The following AK8 variants were observed in gnomAD, a reference collection of about 807,000 sequenced individuals.
The protein encoded by AK8 is adenylate kinase 8, also known as ATP-AMP transphosphorylase 8.
In AK8, 44 loss-of-function variants were observed where a neutral mutation model predicts 54.6. That is an observed-to-expected ratio of 0.81 (90% CI 0.63 to 1.04). AK8 has a LOEUF of 1.04. Ranked by LOEUF, AK8 falls within the 50% of genes least tolerant of loss-of-function variation. The pLI is 0.00. For missense variants in AK8, 555 were observed against 613.6 expected, an observed-to-expected ratio of 0.90 and a Z score of 1.01; for synonymous variants, 239 against 245.6, an observed-to-expected ratio of 0.97 and a Z score of 0.25.
At chr9:132,750,786 C>G (rs1242409143) in intron 11 of AK8, among the ~76,000 whole-genome samples, 2 of 151,898 alleles carry the variant, frequency 1.3e-5, no homozygotes, top group Non-Finnish European at 2.9e-5. Flanking sequence ...TCCAGAGATA[C>G]CAATGGAAAT....
chr9:132,793,929 G>T (rs1451072846), intron 10 of AK8, among the ~76,000 whole-genome samples: 2 of 152,174 alleles, frequency 1.3e-5, no homozygotes, highest in African/African-American at 4.8e-5. Context: ...CTGCCCGGGG[G>T]TCTGGCAAGC....
chr9:132,795,387 G>A (rs1344965672), intron 10 of AK8, among the ~76,000 whole-genome samples: 4 of 152,126 alleles, frequency 2.6e-5, no homozygotes, highest in Non-Finnish European at 5.9e-5. Flanking sequence ...GAGGAACTGG[G>A]GCGTGGGGAG....
intron 11 of AK8, among the ~76,000 whole-genome samples, chr9:132,741,308 G>A (rs1367889557): frequency 1.3e-5 from 2 of 152,204 alleles, no homozygotes; most frequent in Non-Finnish European, 2.9e-5. Flanking sequence ...TGCAGACAAA[G>A]TTCCCGCATG....
intron 4 of AK8, among the ~76,000 whole-genome samples, chr9:132,855,468 T>G (rs1228234028): frequency 6.6e-6 from 1 of 152,134 alleles, no homozygotes; most frequent in Non-Finnish European, 1.5e-5. Flanking sequence ...GAGGCGAGTG[T>G]GTCCATCTCT....
intron 9 of AK8, among the ~76,000 whole-genome samples, chr9:132,817,488 A>T (rs577152750): frequency 6.6e-6 from 1 of 152,336 alleles, no homozygotes; most frequent in African/African-American, 2.4e-5. Flanking sequence ...TTAAAGGAAA[A>T]GATAGTTAAA....
At chr9:132,744,660 T>A (rs1837553998) in intron 11 of AK8, among the ~76,000 whole-genome samples, 1 of 152,150 alleles carries the variant, frequency 6.6e-6, no homozygotes, top group Non-Finnish European at 1.5e-5. Flanking sequence ...GAAAAGTCCA[T>A]CAAGAGAACC....
At chr9:132,751,086 A>T (rs1837899141) in intron 11 of AK8, among the ~76,000 whole-genome samples, 1 of 151,960 alleles carries the variant, frequency 6.6e-6, no homozygotes, top group Admixed American at 6.6e-5. Flanking sequence ...CTGCAATTTA[A>T]AACTTCTGGG....
At chr9:132,865,067 G>T (rs751149694) in intron 3 of AK8, among the ~76,000 whole-genome samples, 1 of 152,160 alleles carries the variant, frequency 6.6e-6, no homozygotes, top group Non-Finnish European at 1.5e-5. Flanking sequence ...GGGGACTCCA[G>T]GAACCTGCAT....
At chr9:132,875,350 T>G in intron 1 of AK8, 151 bp from the exon 2 acceptor site, 1 of 1,475,410 alleles carries the variant, frequency 6.8e-7, no homozygotes, top group Non-Finnish European at 9.0e-7. Context: ...TGGCATCTGC[T>G]TGGGTCCCCA....
At chr9:132,804,616 C>G (rs112933926) in intron 10 of AK8, among the ~76,000 whole-genome samples, 4 of 152,112 alleles carry the variant, frequency 2.6e-5, no homozygotes, top group Non-Finnish European at 4.4e-5. Context: ...TCTCTTCCCT[C>G]GCCTCTCCCC....
At chr9:132,844,972 T>C (rs533588205) in intron 5 of AK8, among the ~76,000 whole-genome samples, 1 of 152,320 alleles carries the variant, frequency 6.6e-6, no homozygotes. Context: ...TTCAGCAAGA[T>C]ACACAACCTC....
intron 7 of AK8, chr9:132,827,391 A>G (rs950980037): frequency 2.8e-6 from 1 of 361,748 alleles, no homozygotes; most frequent in African/African-American, 2.1e-5. Flanking sequence ...TGGTATTTTC[A>G]TCCTCAAGTA....
chr9:132,875,532 C>T (rs1291692760), intron 1 of AK8, among the ~76,000 whole-genome samples: 1 of 152,244 alleles, frequency 6.6e-6, no homozygotes, highest in South Asian at 2.1e-4. Context: ...ATCACCATTC[C>T]CCTCAGAGCC....
At position 132,821,608 on chromosome 9, in the gene AK8, T is replaced by C. The variant is rs139365982; in HGVS notation, c.889+1597A>G. 6.3e-3 allele frequency among the ~76,000 whole-genome samples: 953 copies of C among 152,038 alleles called. 4 individuals carry two copies. Among genetic ancestry groups the C allele is most frequent in the African/African-American group, 0.018 (763 of 41,468 alleles). ...CTTGCTGGTCTCAGTGGCTTTAGAA[T>C]TGTAAGCTGGAGGAGGCCTGAGAAG... On this transcript the variant is annotated intron_variant, in intron 9 of 12. Coordinates refer to ENST00000298545, the MANE Select transcript of AK8 (RefSeq NM_152572.3).
At chr9:132,842,978 A>T (rs1191552391) in intron 5 of AK8, among the ~76,000 whole-genome samples, 1 of 152,222 alleles carries the variant, frequency 6.6e-6, no homozygotes. Context: ...ACATTCTTAC[A>T]TAACATAATG....
chr9:132,861,896 C>T (rs1843404149), intron 4 of AK8, among the ~76,000 whole-genome samples: 1 of 152,186 alleles, frequency 6.6e-6, no homozygotes, highest in African/African-American at 2.4e-5. Flanking sequence ...CATCTTCCCT[C>T]CACCAGAGTT....
At chr9:132,877,656 G>A (rs1844186442) in intron 1 of AK8, 2 of 356,378 alleles carry the variant, frequency 5.6e-6, no homozygotes, top group Non-Finnish European at 1.1e-5. Context: ...GTCTGGCCCT[G>A]AGGAGGAGGG....
At chr9:132,783,815 C>CA (rs1430375792) in intron 11 of AK8, among the ~76,000 whole-genome samples, 8 of 151,600 alleles carry the variant, frequency 5.3e-5, no homozygotes, top group East Asian at 1.9e-4. Flanking sequence ...ATTATGGAAA[C>CA]AAAAAAACAA....
intron 10 of AK8, among the ~76,000 whole-genome samples, chr9:132,793,234 T>TG (rs1840023087): frequency 6.6e-6 from 1 of 152,186 alleles, no homozygotes; most frequent in African/African-American, 2.4e-5. Context: ...GAAGTCTCTC[T>TG]GGGGTCTCCC....
Sources: gnomAD v4.1 joint callset for allele counts (sites outside exome capture counted in the v4.1 genomes callset) on GRCh38, gnomAD v4.1.1 for gene constraint, MANE v1.5 for transcripts, NCBI Gene and HGNC (gene_info 2026-07-23, HGNC 2026-07-21) for gene names.